Variants in ATP8B4 observed in about 807,000 individuals in gnomAD.
ATP8B4 encodes ATPase phospholipid transporting 8B4 (putative).
Under a neutral mutation model 145.6 loss-of-function variants are expected in ATP8B4, and 133 were observed. That is an observed-to-expected ratio of 0.91 (90% confidence interval 0.79 to 1.05). The LOEUF is 1.05. Among genes scored for constraint, ATP8B4 ranks in the 50% least tolerant of loss-of-function variants. The probability of loss-of-function intolerance (pLI) is 0.00; values close to 1 mark genes in which losing one functional copy is unlikely to be tolerated. For synonymous variants in ATP8B4, 507 were observed against 492.9 expected (o/e 1.03, Z -0.38); for missense variants, 1,458 against 1,425.2 (o/e 1.02, Z -0.37).
At chr15:49,966,139 C>G (rs2044516820) in intron 13 of ATP8B4, among the ~76,000 whole-genome samples, 1 of 152,230 alleles carries the variant, frequency 6.6e-6, no homozygotes, top group African/African-American at 2.4e-5. Flanking sequence ...GCAGGAGATT[C>G]CCGCAGGTGC....
Position 49,916,925 on chromosome 15 carries a change from A to C in ATP8B4, c.2141+9T>G. ...CCTTCCATCCTTTCCTCCTTCCTTCAACACCTACCTGAGTTCTTCTCTCAC... is the reference window on the plus strand; with the variant it reads ...CCTTCCATCCTTTCCTCCTTCCTTCCACACCTACCTGAGTTCTTCTCTCAC... On this transcript the variant is annotated intron_variant, in intron 20 of 27. Coordinates refer to ENST00000284509, the MANE Select transcript of ATP8B4 (RefSeq NM_024837.4). The C allele has an allele frequency of 3.2e-4, 519 of 1,606,884 alleles. No homozygotes were observed. Among genetic ancestry groups the C allele is most frequent in the Non-Finnish European group, 4.1e-4 (476 of 1,174,136 alleles).
intron 14 of ATP8B4, among the ~76,000 whole-genome samples, chr15:49,937,293 C>T (rs552144265): frequency 1.6e-4 from 24 of 152,148 alleles, no homozygotes; most frequent in African/African-American, 5.1e-4. Flanking sequence ...ATTTCAAGCC[C>T]CTAAGATCAA....
chr15:49,951,773 G>A (rs2043126973), intron 14 of ATP8B4, among the ~76,000 whole-genome samples: 1 of 152,138 alleles, frequency 6.6e-6, no homozygotes, highest in Non-Finnish European at 1.5e-5. Context: ...AGTTGATGCG[G>A]TTTCTTCATA....
intron 21 of ATP8B4, among the ~76,000 whole-genome samples, chr15:49,900,136 T>C (rs1263463724): frequency 1.3e-5 from 2 of 152,196 alleles, no homozygotes; most frequent in African/African-American, 4.8e-5. Flanking sequence ...TAAAGGAATT[T>C]TGTGTCATGT....
intron 1 of ATP8B4, among the ~76,000 whole-genome samples, chr15:50,130,613 A>G (rs948661237): frequency 1.3e-5 from 2 of 151,866 alleles, no homozygotes; most frequent in Non-Finnish European, 2.9e-5. Context: ...CGTCTCTACT[A>G]AAAATATAAA....
intron 23 of ATP8B4, chr15:49,895,541 C>T: frequency 6.6e-6 from 1 of 152,172 alleles, no homozygotes; most frequent in African/African-American, 2.4e-5. Flanking sequence ...AGAAAAGAAA[C>T]ATGTTAGTTA....
intron 15 of ATP8B4, among the ~76,000 whole-genome samples, chr15:49,931,565 A>G (rs918262265): frequency 6.6e-6 from 1 of 152,020 alleles, no homozygotes; most frequent in Non-Finnish European, 1.5e-5. Flanking sequence ...CTGCCTCTTC[A>G]CTGTGCTCAG....
At chr15:50,116,010 G>C (rs937999435) in intron 1 of ATP8B4, among the ~76,000 whole-genome samples, 1 of 152,184 alleles carries the variant, frequency 6.6e-6, no homozygotes, top group Non-Finnish European at 1.5e-5. Context: ...AGGGATTTTA[G>C]GAAGGTTAAT....
chr15:50,180,205 C>T (rs534566493), intron 1 of ATP8B4, among the ~76,000 whole-genome samples: 2 of 151,876 alleles, frequency 1.3e-5, no homozygotes, highest in Admixed American at 6.6e-5. Context: ...TATGAGAACT[C>T]CTAAGAAAAA....
Position 49,939,076 on chromosome 15 carries a change from C to CA in ATP8B4, c.1288-4895dup, listed in dbSNP as rs544906902. 2.1e-3 allele frequency among the ~76,000 whole-genome samples: 327 copies of CA among 152,112 alleles called. 3 individuals carry two copies. Among genetic ancestry groups the CA allele is most frequent in the African/African-American group, 7.5e-3 (311 of 41,522 alleles). Reference sequence around the variant, plus strand: ...AAATGAAAACAGAGACACAACATATCAAAATCTCTGGGATGAGGCAAAAGC... The same window carrying CA: ...AAATGAAAACAGAGACACAACATATCAAAAATCTCTGGGATGAGGCAAAAGC... On this transcript the variant is annotated intron_variant, in intron 14 of 27. Coordinates refer to ENST00000284509, the MANE Select transcript of ATP8B4 (RefSeq NM_024837.4).
At chr15:50,086,264 A>T (rs1329764712) in intron 2 of ATP8B4, among the ~76,000 whole-genome samples, 54 of 93,970 alleles carry the variant, frequency 5.7e-4, no homozygotes, top group African/African-American at 2.8e-3. Flanking sequence ...TATTTATTAT[A>T]TATAATAAAA....
At position 49,879,481 on chromosome 15, in the gene ATP8B4, A is replaced by G. The variant is rs762643340; in HGVS notation, c.2698-22T>C. ...CAGTCTGAAAAGAAATATAACATAT[A>G]AGTGAGAAACATCATCCATAGTAGT... On this transcript the variant is annotated intron_variant, in intron 23 of 27. Transcript: ENST00000284509. The G allele has an allele frequency of 6.4e-6, 10 of 1,559,414 alleles. No individual in the cohort carries two copies. The South Asian group carries it at 7.0e-5, about 11-fold the overall frequency.
intron 23 of ATP8B4, among the ~76,000 whole-genome samples, chr15:49,887,929 C>T (rs780071618): frequency 6.6e-5 from 10 of 152,194 alleles, no homozygotes; most frequent in Non-Finnish European, 1.5e-4. Flanking sequence ...TCTTTCTGCT[C>T]GACCACTGGC....
intron 2 of ATP8B4, among the ~76,000 whole-genome samples, chr15:50,074,985 A>C (rs1458739047): frequency 6.6e-6 from 1 of 152,192 alleles, no homozygotes; most frequent in Non-Finnish European, 1.5e-5. Flanking sequence ...AAGAGTCAGC[A>C]AGGTAACCAC....
At chr15:50,146,408 A>C (rs543185166) in intron 1 of ATP8B4, among the ~76,000 whole-genome samples, 2 of 152,382 alleles carry the variant, frequency 1.3e-5, no homozygotes, top group South Asian at 2.1e-4. Flanking sequence ...CATATAAAAA[A>C]TGTAATTATT....
intron 1 of ATP8B4, among the ~76,000 whole-genome samples, chr15:50,147,061 C>T (rs28883893): frequency 0.037 from 5,563 of 152,140 alleles, 143 homozygotes; most frequent in African/African-American, 0.067. Context: ...AGGAAGAAGA[C>T]GCAAACTCTT....
At position 49,986,086 on chromosome 15, in the gene ATP8B4, A is replaced by AT. The variant is rs528473454; in HGVS notation, c.748+1304dup. 3.3e-5 allele frequency among the ~76,000 whole-genome samples: 5 copies of AT among 152,304 alleles called. No individual in the cohort carries two copies. The South Asian group carries it at 1.0e-3, about 32-fold the overall frequency. On this transcript the variant is annotated intron_variant, in intron 10 of 27. Coordinates refer to ENST00000284509, the MANE Select transcript of ATP8B4 (RefSeq NM_024837.4). Reference sequence around the variant, plus strand: ...AACCAACTTCCTTGTTTTTCAGAACATTTTCCCACAAAGAAACCTTACAAA... The same window carrying AT: ...AACCAACTTCCTTGTTTTTCAGAACATTTTTCCCACAAAGAAACCTTACAAA...
chr15:49,995,880 C>T (rs1333565658), intron 9 of ATP8B4, among the ~76,000 whole-genome samples: 1 of 152,052 alleles, frequency 6.6e-6, no homozygotes, highest in African/African-American at 2.4e-5. Flanking sequence ...TCTCTGCAGC[C>T]TATTATGGTG....
chr15:50,146,137 C>T (rs72737026), intron 1 of ATP8B4, among the ~76,000 whole-genome samples: 15,462 of 150,924 alleles, frequency 0.1, 880 homozygotes, highest in Middle Eastern at 0.17. Flanking sequence ...CTCAGCATCC[C>T]GAGTAGCTGG....
Sources: allele counts gnomAD v4.1 joint callset (sites outside exome capture counted in the v4.1 genomes callset), GRCh38; gene constraint gnomAD v4.1.1; transcripts MANE v1.5; gene names NCBI Gene and HGNC (gene_info 2026-07-23, HGNC 2026-07-21).